Variants in ZAP70 observed in about 807,000 individuals in gnomAD.
ZAP70 encodes the protein zeta chain of T cell receptor associated protein kinase 70.
A neutral mutation model predicts 65.8 loss-of-function variants in ZAP70; 27 were observed. The ratio of observed to expected loss-of-function variants is 0.41; its 90% CI spans 0.30 to 0.57. The LOEUF (loss-of-function observed/expected upper bound fraction) is 0.57, where lower values mean the gene tolerates loss of function less well. Ranked by LOEUF, ZAP70 falls within the 20% of genes least tolerant of loss-of-function variation. The pLI, the probability that ZAP70 is intolerant of heterozygous loss-of-function variation, is 0.28. For missense variants in ZAP70, 696 were observed against 870.5 expected, an observed-to-expected ratio of 0.80 and a Z score of 2.52; for synonymous variants, 363 against 360.8, an observed-to-expected ratio of 1.01 and a Z score of -0.07.
chr2:97,731,003 C>T lies in ZAP70; in HGVS notation c.564-1880C>T, dbSNP rs1048529083. Among the ~76,000 whole-genome samples the T allele has an allele frequency of 1.4e-5, 2 of 146,886 alleles. No homozygotes were observed. Among genetic ancestry groups the T allele is most frequent in the Admixed American group, 7.0e-5 (1 of 14,364 alleles). ...CCAGGAGGCAGAGCTTGCAGTGAGCCGAGATCACGCCACTGCACTCCAGCC... is the reference window on the plus strand; with the variant it reads ...CCAGGAGGCAGAGCTTGCAGTGAGCTGAGATCACGCCACTGCACTCCAGCC... On this transcript the variant is annotated intron_variant, in intron 4 of 13. Transcript: ENST00000264972. The surrounding 1 kb of genome is among the most constrained non-coding windows in gnomAD (Gnocchi z 4.0).
chr2:97,728,020 C>A (rs1677461725), intron 4 of ZAP70, among the ~76,000 whole-genome samples: 1 of 152,212 alleles, frequency 6.6e-6, no homozygotes, highest in Non-Finnish European at 1.5e-5. Context: ...TGAATGACGA[C>A]AGCCGCTCAG....
Position 97,730,533 on chromosome 2 carries a change from A to G in ZAP70, c.564-2350A>G, listed in dbSNP as rs77346710. ...GGAGAGCTGCCAGGAAAAGCAAGAG[A>G]GGGCAGGCCAACCTCAATGTTCAAC... On this transcript the variant is annotated intron_variant, in intron 4 of 13. Transcript: ENST00000264972. Among the ~76,000 whole-genome samples the G allele has an allele frequency of 1.4e-3, 207 of 152,256 alleles. 2 individuals are homozygous for G. The East Asian group carries it at 0.037, about 27-fold the overall frequency.
intron 4 of ZAP70, among the ~76,000 whole-genome samples, chr2:97,729,307 T>C (rs1194633658): frequency 6.6e-6 from 1 of 152,232 alleles, no homozygotes; most frequent in Non-Finnish European, 1.5e-5. Flanking sequence ...GTTTCACAGA[T>C]AATCTGTGAC....
chr2:97,724,253 G>C lies in ZAP70; in HGVS notation c.217G>C (p.Gly73Arg), dbSNP rs982662914. ...GCTCAACGGCACCTACGCCATTGCC[G>C]GCGGCAAAGCGCACTGTGGACCGGC... ...RQLNGTYAIAGGKAHCGPAEL... is the reference protein window; with the variant it reads ...RQLNGTYAIARGKAHCGPAEL... The change falls in exon 3 of 14, where the codon GGC (glycine) becomes CGC (arginine). Residue 73 changes from glycine (G) to arginine (R), a missense_variant. By Grantham distance (125) the Gly-to-Arg change is moderately radical. This residue lies in a region of ZAP70 where 551 missense variants were observed against 630.0 expected (regional missense o/e 0.87). Transcript: ENST00000264972. The C allele has an allele frequency of 1.9e-6, 3 of 1,604,784 alleles. No homozygotes were observed. Among genetic ancestry groups the C allele is most frequent in the Non-Finnish European group, 2.5e-6 (3 of 1,177,868 alleles).
At chr2:97,725,026 C>T in intron 3 of ZAP70, 66 bp from the exon 4 acceptor site, 5 of 1,602,588 alleles carry the variant, frequency 3.1e-6, no homozygotes, top group Middle Eastern at 1.7e-4. Flanking sequence ...ACAGGGCTCC[C>T]GGAAGGGGGT....
chr2:97,724,634 C>T, intron 3 of ZAP70, 196 bp downstream of exon 3: 2 of 1,532,772 alleles, frequency 1.3e-6, no homozygotes, highest in South Asian at 1.2e-5. Flanking sequence ...GTGGCGGTCG[C>T]CTTCCGCAGG....
Position 97,737,433 on chromosome 2 carries a change from A to C in ZAP70, c.1290-40A>C, listed in dbSNP as rs946895299. The C allele has an allele frequency of 5.0e-6, 8 of 1,608,456 alleles. No homozygotes were observed. The African/African-American group carries it at 9.4e-5, about 19-fold the overall frequency. The stretch of plus-strand genomic sequence containing the variant: ...ATGCTTTGCCCCTGGGAACTTGGCT[A>C]GTCTTCTCCCAGCTGACCCCGCCTT... On this transcript the variant is annotated intron_variant, in intron 10 of 13. Transcript: ENST00000264972. The surrounding 1 kb of genome is among the most constrained non-coding windows in gnomAD (Gnocchi z 5.0).
chr2:97,732,967 C>A lies in ZAP70; in HGVS notation c.648C>A (p.Asp216Glu), dbSNP rs761356923. Residue 216 changes from aspartate (D) to glutamate (E), a missense_variant, in exon 5 of 14, where the codon GAC becomes GAA. Asp to Glu is a conservative substitution (Grantham distance 45, BLOSUM62 2). Coordinates refer to ENST00000264972, the MANE Select transcript of ZAP70 (RefSeq NM_001079.4). ...KTVYHYLISQ[D>E]KAGKYCIPEG... ...TGTACCACTACCTCATCAGCCAAGA[C>A]AAGGCGGGCAAGTACTGCATTCCCG... 6.2e-7 allele frequency: 1 copy of A among 1,614,134 alleles called. No individual in the cohort carries two copies. The highest frequency in any genetic ancestry group is 2.2e-5 in the East Asian group (1 of 44,884).
At position 97,737,723 on chromosome 2, in the gene ZAP70, G is replaced by A; in HGVS notation, c.1483-34G>A. 1 of 1,614,080 alleles carries A rather than the reference G, an allele frequency of 6.2e-7. No homozygotes were observed. Among genetic ancestry groups the A allele is most frequent in the Non-Finnish European group, 8.5e-7 (1 of 1,179,998 alleles). Reference sequence around the variant, plus strand: ...TGGGCTGGGTGGGTAGAGGGTCCCTGACCCCTGATCCAGCAGCATCTCCCC... The same window carrying A: ...TGGGCTGGGTGGGTAGAGGGTCCCTAACCCCTGATCCAGCAGCATCTCCCC... On this transcript the variant is annotated intron_variant, in intron 11 of 13. Transcript: ENST00000264972. This position sits in a 1 kb window ranked among gnomAD's most constrained non-coding sequence, Gnocchi z 5.0.
At chr2:97,739,350 C>G (rs1483741997) in intron 13 of ZAP70, 25 bp from the exon 14 acceptor site, 1 of 1,612,484 alleles carries the variant, frequency 6.2e-7, no homozygotes, top group African/African-American at 1.3e-5. Flanking sequence ...TGGTCAGCAG[C>G]CTGGATGTAC....
chr2:97,731,496 A>G lies in ZAP70; in HGVS notation c.564-1387A>G, dbSNP rs1300196432. Among the ~76,000 whole-genome samples, 1 of 151,824 alleles carries G rather than the reference A, an allele frequency of 6.6e-6. No individual in the cohort carries two copies. The highest frequency in any genetic ancestry group is 6.6e-5 in the Admixed American group (1 of 15,264). ...GTGTGCCCTCATTGCCCCCGCCCTG[A>G]TTTCCCATCTCTCCATGTTATCTCC... On this transcript the variant is annotated intron_variant, in intron 4 of 13. Transcript: ENST00000264972. This position sits in a 1 kb window ranked among gnomAD's most constrained non-coding sequence, Gnocchi z 4.0.
intron 4 of ZAP70, among the ~76,000 whole-genome samples, chr2:97,730,436 A>AT (rs371004977): frequency 3.9e-5 from 6 of 152,262 alleles, no homozygotes; most frequent in African/African-American, 9.6e-5. Context: ...TTGGCCACTC[A>AT]TGTAGGGTGC....
At chr2:97,729,002 C>G (rs936133225) in intron 4 of ZAP70, among the ~76,000 whole-genome samples, 79 of 152,368 alleles carry the variant, frequency 5.2e-4, no homozygotes, top group African/African-American at 1.8e-3. Flanking sequence ...ATCCACCCGC[C>G]TTGGCCTCCC....
the ZAP70 span, among the ~76,000 whole-genome samples, chr2:97,750,890 G>A: frequency 2.6e-5 from 4 of 152,226 alleles, no homozygotes; most frequent in African/African-American, 7.2e-5. Context: ...GAGTGGTCTC[G>A]TTTATGGCTT....
downstream of ZAP70, among the ~76,000 whole-genome samples, chr2:97,744,579 G>C (rs940541104): frequency 1.2e-4 from 19 of 152,190 alleles, no homozygotes; most frequent in Admixed American, 2.0e-4. Flanking sequence ...AAGCAAACTG[G>C]GGATGGGGCC....
At chr2:97,714,076 C>G (rs1323895223) in intron 2 of ZAP70, 82 bp downstream of exon 2, 1 of 153,108 alleles carries the variant, frequency 6.5e-6, no homozygotes, top group Non-Finnish European at 1.5e-5. Flanking sequence ...AGAATATTAA[C>G]TGGGAGTCAG....
chr2:97,726,548 A>C (rs115792658), intron 4 of ZAP70, among the ~76,000 whole-genome samples: 5,250 of 152,328 alleles, frequency 0.034, 305 homozygotes, highest in African/African-American at 0.12. Flanking sequence ...TCCTCTCCTG[A>C]GGTCAACCCA....
chr2:97,729,441 A>T (rs528005489), intron 4 of ZAP70, among the ~76,000 whole-genome samples: 1 of 152,316 alleles, frequency 6.6e-6, no homozygotes, highest in South Asian at 2.1e-4. Flanking sequence ...CTTGTGCCTC[A>T]GTTTCCTCAT....
intron 8 of ZAP70, 165 bp from the exon 9 acceptor site, chr2:97,734,355 C>T: frequency 7.0e-7 from 1 of 1,435,346 alleles, no homozygotes; most frequent in Non-Finnish European, 9.1e-7. Context: ...GAGTGTATGC[C>T]AGTGTGTGCG....
Sources: gnomAD v4.1 joint callset for allele counts (sites outside exome capture counted in the v4.1 genomes callset) on GRCh38, gnomAD v4.1.1 for gene constraint, gnomAD v4.1.1 regional missense constraint, Gnocchi (gnomAD v3.1) non-coding constraint, MANE v1.5 for transcripts, NCBI Gene and HGNC (gene_info 2026-07-23, HGNC 2026-07-21) for gene names.